Variants in MROH1 observed in about 807,000 individuals in gnomAD.
The protein encoded by MROH1 is maestro heat like repeat family member 1.
Under a neutral mutation model 116.5 loss-of-function variants are expected in MROH1, and 117 were observed. The ratio of observed to expected loss-of-function variants is 1.00; its 90% CI spans 0.86 to 1.17. The LOEUF (loss-of-function observed/expected upper bound fraction) is 1.17. Among genes scored for constraint, MROH1 ranks in the 50% most tolerant of loss-of-function variants. The probability of loss-of-function intolerance (pLI) is 0.00; values close to 1 mark genes in which losing one functional copy is unlikely to be tolerated. For missense variants in MROH1, 1,873 were observed against 1,338.5 expected (o/e 1.40, Z -6.23); for synonymous variants, 921 against 583.9 (o/e 1.58, Z -8.32).
rs1844974364 is a variant in MROH1, at chr8:144,261,170, C to T, written c.4728C>T (p.Phe1576=). Reference sequence around the variant, plus strand: ...TCCTGACCACCTGCCTGTTCTACTTCAAGAGCAGCTGGGAGAACGTCCGAG... The same window carrying T: ...TCCTGACCACCTGCCTGTTCTACTTTAAGAGCAGCTGGGAGAACGTCCGAG... ...GRLLTTCLFY[F]KSSWENVRAA... Residue 1576 remains phenylalanine (F), a synonymous_variant, in exon 42 of 44, where the codon TTC becomes TTT. Coordinates refer to ENST00000326134, the MANE Select transcript of MROH1 (RefSeq NM_032450.3). 6.5e-6 allele frequency: 5 copies of T among 770,754 alleles called. No homozygotes were observed. Among genetic ancestry groups the T allele is most frequent in the South Asian group, 2.7e-5 (2 of 74,564 alleles). The allele number at this position is 770,754 out of a possible 1,614,324, so 47.7% of individuals were successfully genotyped here.
chr8:144,186,035 TGCTCCGTGGGCTCC>T (rs1827071048), intron 7 of MROH1, among the ~76,000 whole-genome samples: 3 of 151,804 alleles, frequency 2.0e-5, no homozygotes, highest in South Asian at 4.2e-4. Context: ...TCCCAGGCAG[TGCTCCGTGGGCTCC>T]GCAGTGGGCT....
intron 33 of MROH1, 174 bp from the exon 34 acceptor site, chr8:144,254,639 A>G: frequency 1.7e-6 from 1 of 593,374 alleles, no homozygotes; most frequent in South Asian, 2.0e-5. Flanking sequence ...CCCTGGAGTC[A>G]GGGGAAGGGG....
chr8:144,255,884 TGGCCACCCTTCTCACACTGGCTGTGAA>T (rs1249359216), intron 35 of MROH1, among the ~76,000 whole-genome samples, 179 bp downstream of exon 35: 156 of 152,336 alleles, frequency 1.0e-3, no homozygotes, highest in African/African-American at 3.4e-3. Flanking sequence ...GTGACATCCA[TGGCCACCCTTCTCACACTGGCTGTGAA>T]GGCCTCCCTC....
intron 1 of MROH1, among the ~76,000 whole-genome samples, chr8:144,152,452 G>A (rs1331145407): frequency 2.0e-5 from 3 of 151,396 alleles, no homozygotes; most frequent in African/African-American, 7.3e-5. Flanking sequence ...GCAGTGGCAC[G>A]ATTTTGGCTC....
At chr8:144,174,871 A>C in intron 4 of MROH1, 1 of 985,350 alleles carries the variant, frequency 1.0e-6, no homozygotes, top group Non-Finnish European at 1.2e-6. Context: ...AGACTTGCTG[A>C]GTCAGCCTGT....
In MROH1 at chr8:144,200,585, C is replaced by A. The variant is rs766827427; in HGVS notation, c.1141+44C>A. The A allele has an allele frequency of 1.1e-5, 15 of 1,363,268 alleles. No individual in the cohort carries two copies. The South Asian group carries it at 1.7e-4, about 16-fold the overall frequency. The allele number at this position is 1,363,268 out of a possible 1,614,324, so 84.4% of individuals were successfully genotyped here. A position where few individuals can be genotyped will look rare whatever the true frequency, so the allele number is the denominator to read the frequency against. ...GCCTGGCCGCCACCCCTGGCCATGTCCAGGATGGAGCAGGTCCTGGCAGAT... is the reference window on the plus strand; with the variant it reads ...GCCTGGCCGCCACCCCTGGCCATGTACAGGATGGAGCAGGTCCTGGCAGAT... On this transcript the variant is annotated intron_variant, in intron 12 of 43. Transcript: ENST00000326134.
chr8:144,261,830 A>G lies in MROH1; in HGVS notation c.*90A>G, dbSNP rs1845140271. 4 of 699,784 alleles carry G rather than the reference A, an allele frequency of 5.7e-6. No homozygotes were observed. Among genetic ancestry groups the G allele is most frequent in the Admixed American group, 4.0e-5 (2 of 49,906 alleles). The allele number at this position is 699,784 out of a possible 1,614,324, so 43.3% of individuals were successfully genotyped here. The stretch of plus-strand genomic sequence containing the variant: ...GCCTCCTGAGGACCACAGCCTGGGC[A>G]CACGACTGGAGGGGCCTGGCCCCAG... On this transcript the variant is annotated 3_prime_UTR_variant, in exon 44 of 44. Transcript: ENST00000326134.
chr8:144,240,066 T>C lies in MROH1; in HGVS notation c.1775-35T>C, dbSNP rs1173824918. The C allele has an allele frequency of 7.8e-6, 6 of 767,008 alleles. No individual in the cohort carries two copies. The African/African-American group carries it at 1.0e-4, about 13-fold the overall frequency. The allele number at this position is 767,008 out of a possible 1,614,324, so 47.5% of individuals were successfully genotyped here. On this transcript the variant is annotated intron_variant, in intron 18 of 43. Transcript: ENST00000326134. ...GGGCTCTGAGCCCCACTGGTGCGTT[T>C]TGGGATGGGCTGGCCTGCGCGGCTG... is the stretch of plus-strand genomic sequence containing the variant.
At chr8:144,155,964 C>T (rs922784316) in intron 1 of MROH1, among the ~76,000 whole-genome samples, 4 of 148,532 alleles carry the variant, frequency 2.7e-5, no homozygotes, top group East Asian at 4.5e-4. Flanking sequence ...TGAGGCCGGG[C>T]GCGGTGGCTC....
intron 12 of MROH1, among the ~76,000 whole-genome samples, chr8:144,209,320 C>T (rs1833575310): frequency 1.3e-5 from 2 of 151,978 alleles, no homozygotes; most frequent in African/African-American, 4.8e-5. Context: ...GGCTCAAACG[C>T]CTGTAATCCC....
intron 3 of MROH1, among the ~76,000 whole-genome samples, chr8:144,167,471 G>GTT (rs1163090958): frequency 2.4e-5 from 3 of 127,116 alleles, no homozygotes; most frequent in Non-Finnish European, 3.4e-5. Flanking sequence ...GTGGCCAGTT[G>GTT]GGGTGGAGTG....
In MROH1 at chr8:144,261,638, CCCT is replaced by C; in HGVS notation, c.4841-12_4841-10del. On this transcript the variant is annotated splice_polypyrimidine_tract_variant and intron_variant, in intron 43 of 43. Transcript: ENST00000326134. ...CGAGGTCACAGCCCGCAGGCAGCCC[CCCT>C]CCTCTACCCCCAGCGCTCCAGATCC... The C allele has an allele frequency of 1.4e-6, 1 of 707,876 alleles. No homozygotes were observed. The allele number at this position is 707,876 out of a possible 1,614,324, so 43.8% of individuals were successfully genotyped here.
chr8:144,192,298 A>G lies in MROH1; in HGVS notation c.856-11A>G, dbSNP rs761134401. 6.3e-6 allele frequency: 10 copies of G among 1,579,984 alleles called. No individual in the cohort carries two copies. The Admixed American group carries it at 1.8e-4, about 29-fold the overall frequency. Reference sequence around the variant, plus strand: ...GTAGGACTGACGGCCTCTTCTCCCTACCCGGAGCAGAGCCTGGGCCAGATC... The same window carrying G: ...GTAGGACTGACGGCCTCTTCTCCCTGCCCGGAGCAGAGCCTGGGCCAGATC... On this transcript the variant is annotated splice_polypyrimidine_tract_variant and intron_variant, in intron 9 of 43. Coordinates refer to ENST00000326134, the MANE Select transcript of MROH1 (RefSeq NM_032450.3).
chr8:144,176,720 T>G (rs1824041713), intron 4 of MROH1, among the ~76,000 whole-genome samples: 1 of 3,526 alleles, frequency 2.8e-4, no homozygotes, highest in African/African-American at 3.2e-4. Flanking sequence ...TCCCAGCTAC[T>G]CGGGAGGCTA....
At chr8:144,181,419 T>C (rs1223671382) in intron 7 of MROH1, among the ~76,000 whole-genome samples, 1 of 151,488 alleles carries the variant, frequency 6.6e-6, no homozygotes, top group African/African-American at 2.4e-5. Context: ...CAGGGTTGGT[T>C]TGGAGCATTT....
At chr8:144,255,046 A>C in intron 34 of MROH1, 68 bp downstream of exon 34, 1 of 686,766 alleles carries the variant, frequency 1.5e-6, no homozygotes, top group Non-Finnish European at 2.7e-6. Context: ...GCCCGGGGGC[A>C]GGCCTTTTGA....
chr8:144,227,658 G>C (rs1241050611), intron 14 of MROH1, among the ~76,000 whole-genome samples: 1 of 151,074 alleles, frequency 6.6e-6, no homozygotes, highest in Non-Finnish European at 1.5e-5. Context: ...CACACAAAAA[G>C]TTGAATGCTG....
chr8:144,255,080 A>G (rs1372631758), intron 34 of MROH1, 102 bp downstream of exon 34: 9 of 639,582 alleles, frequency 1.4e-5, no homozygotes, highest in African/African-American at 5.4e-5. Flanking sequence ...ACGCCACCCC[A>G]CAGGCACCTG....
At chr8:144,249,170 C>A in intron 32 of MROH1, 141 bp downstream of exon 32, 1 of 658,802 alleles carries the variant, frequency 1.5e-6, no homozygotes, top group Non-Finnish European at 2.8e-6. Context: ...CTGGCCTGTC[C>A]TGGACCACCC....
Sources: gnomAD v4.1 joint callset for allele counts (sites outside exome capture counted in the v4.1 genomes callset) on GRCh38, gnomAD v4.1.1 for gene constraint, MANE v1.5 for transcripts, NCBI Gene and HGNC (gene_info 2026-07-23, HGNC 2026-07-21) for gene names.